Variants in SPMAP1 observed in about 807,000 individuals in gnomAD.
SPMAP1 encodes the protein uncharacterized protein C17orf98.
At chr17:38,839,851 T>A in the SPMAP1 span, among the ~76,000 whole-genome samples, 2 of 152,126 alleles carry the variant, frequency 1.3e-5, no homozygotes, top group Non-Finnish European at 2.9e-5. Context: ...GTGACTCATG[T>A]ATGTCCATAT....
the SPMAP1 span, among the ~76,000 whole-genome samples, chr17:38,838,794 C>G: frequency 1.3e-5 from 2 of 150,630 alleles, no homozygotes; most frequent in African/African-American, 2.4e-5. Flanking sequence ...ATTAGAAAGC[C>G]TTTTTCAAGG....
chr17:38,838,046 G>A, the SPMAP1 span, among the ~76,000 whole-genome samples: 3 of 151,982 alleles, frequency 2.0e-5, no homozygotes, highest in East Asian at 1.9e-4. Flanking sequence ...CACCATGCCC[G>A]GCTAATTTTT....
chr17:38,835,174 A>C, the SPMAP1 span: 4 of 1,612,530 alleles, frequency 2.5e-6, no homozygotes, highest in African/African-American at 5.3e-5. Flanking sequence ...ATGGCTATGA[A>C]GGGAAAAGAT....
chr17:38,840,729 C>T, the SPMAP1 span, among the ~76,000 whole-genome samples: 12 of 150,902 alleles, frequency 8.0e-5, no homozygotes, highest in African/African-American at 2.9e-4. Context: ...TTGCTTGACC[C>T]TGGGAGGTGG....
chr17:38,837,046 G>T, the SPMAP1 span: 1 of 831,052 alleles, frequency 1.2e-6, no homozygotes, highest in East Asian at 2.4e-5. Flanking sequence ...GTGAAGAAAA[G>T]CTGGAAGGAT....
chr17:38,839,902 T>C, the SPMAP1 span, among the ~76,000 whole-genome samples: 1 of 16,662 alleles, frequency 6.0e-5, no homozygotes, highest in African/African-American at 3.7e-4. Context: ...CATTTGGGAC[T>C]ATACACACAC....
At chr17:38,836,816 G>A in the SPMAP1 span, among the ~76,000 whole-genome samples, 391 of 151,888 alleles carry the variant, frequency 2.6e-3, 3 homozygotes, top group African/African-American at 8.9e-3. Context: ...GGCTGGTTTG[G>A]AACTCCTGAC....
the SPMAP1 span, chr17:38,841,079 G>A: frequency 1.4e-6 from 1 of 715,830 alleles, no homozygotes; most frequent in Non-Finnish European, 2.3e-6. Flanking sequence ...AAAAAGAAAA[G>A]AAAGTAAACC....
chr17:38,839,276 G>A, the SPMAP1 span, among the ~76,000 whole-genome samples: 4 of 151,530 alleles, frequency 2.6e-5, no homozygotes, highest in South Asian at 2.1e-4. Context: ...TTGGGAGGCC[G>A]AGATGGGCAG....
At chr17:38,839,596 G>A in the SPMAP1 span, among the ~76,000 whole-genome samples, 11 of 152,116 alleles carry the variant, frequency 7.2e-5, no homozygotes, top group East Asian at 9.7e-4. Flanking sequence ...GAACACCCTG[G>A]CTAACACAGT....
chr17:38,840,819 G>A, the SPMAP1 span, among the ~76,000 whole-genome samples: 1 of 150,718 alleles, frequency 6.6e-6, no homozygotes, highest in Non-Finnish European at 1.5e-5. Context: ...GCTCACACCT[G>A]TAACATGGCG....
chr17:38,835,651 A>G, the SPMAP1 span, among the ~76,000 whole-genome samples: 1 of 152,240 alleles, frequency 6.6e-6, no homozygotes, highest in African/African-American at 2.4e-5. Context: ...CCTTTCTCCC[A>G]CAAGAAATGA....
the SPMAP1 span, chr17:38,835,391 C>G: frequency 6.2e-7 from 1 of 1,604,392 alleles, no homozygotes; most frequent in Non-Finnish European, 8.5e-7. Context: ...TTCAGCCCAC[C>G]TCTTGGCTTC....
chr17:38,840,484 G>C, the SPMAP1 span, among the ~76,000 whole-genome samples: 2 of 152,002 alleles, frequency 1.3e-5, no homozygotes, highest in Non-Finnish European at 2.9e-5. Flanking sequence ...CAGGGAGCTT[G>C]CGCTCAACAC....
the SPMAP1 span, among the ~76,000 whole-genome samples, chr17:38,840,607 C>G: frequency 9.3e-6 from 1 of 107,088 alleles, no homozygotes; most frequent in Non-Finnish European, 1.7e-5. Context: ...ATGGCGAGAC[C>G]CCCTCTCTAC....
chr17:38,841,129 C>G, the SPMAP1 span: 2 of 1,407,428 alleles, frequency 1.4e-6, no homozygotes, highest in Non-Finnish European at 2.0e-6. Context: ...GTGGTGAGAA[C>G]GCTGGAGTGA....
At chr17:38,841,384 C>T in the SPMAP1 span, 2 of 1,613,902 alleles carry the variant, frequency 1.2e-6, no homozygotes, top group South Asian at 2.2e-5. Context: ...CGCTCAGGTA[C>T]GCCATCCCAA....
chr17:38,835,407 T>A, the SPMAP1 span: 1 of 1,575,296 alleles, frequency 6.3e-7, no homozygotes. Context: ...GCTTCCCCAT[T>A]CCCCTGGGTG....
the SPMAP1 span, chr17:38,835,342 A>G: frequency 6.2e-7 from 1 of 1,614,168 alleles, no homozygotes; most frequent in Non-Finnish European, 8.5e-7. Context: ...GCTGGAGAGA[A>G]TGCCCTTGGG....
Sources: gnomAD v4.1 joint callset for allele counts (sites outside exome capture counted in the v4.1 genomes callset) on GRCh38, gnomAD v4.1.1 for gene constraint, MANE v1.5 for transcripts, NCBI Gene and HGNC (gene_info 2026-07-23, HGNC 2026-07-21) for gene names.